RIT2: variants seen among roughly 807,000 people sequenced by gnomAD.
RIT2 encodes GTP-binding protein Rit2.
Under a neutral mutation model 23.7 loss-of-function variants are expected in RIT2, and 24 were observed. That is an observed-to-expected ratio of 1.01 (90% CI 0.73 to 1.43). The LOEUF is 1.43. RIT2 is among the 40% of genes most tolerant of loss of function. The pLI is 0.00. For missense variants in RIT2, 236 were observed against 266.9 expected, an observed-to-expected ratio of 0.88 and a Z score of 0.81; for synonymous variants, 107 against 91.1, an observed-to-expected ratio of 1.17 and a Z score of -0.99.
Position 42,912,443 on chromosome 18 carries a change from A to G in RIT2, c.426+11129T>C, listed in dbSNP as rs140900052. On this transcript the variant is annotated intron_variant, in intron 4 of 4. Transcript: ENST00000326695. Reference sequence around the variant, plus strand: ...GCCACTGCAATAAGGCAAGGAATGGAAATTAAAGATACACAGATGAGAAAG... The same window carrying G: ...GCCACTGCAATAAGGCAAGGAATGGGAATTAAAGATACACAGATGAGAAAG... Among the ~76,000 whole-genome samples, 989 of 152,004 alleles carry G rather than the reference A, an allele frequency of 6.5e-3. 10 individuals carry two copies. Among genetic ancestry groups the G allele is most frequent in the African/African-American group, 0.023 (952 of 41,526 alleles).
At chr18:43,033,758 C>T in intron 2 of RIT2, 53 bp downstream of exon 2, 1 of 1,244,268 alleles carries the variant, frequency 8.0e-7, no homozygotes, top group East Asian at 2.3e-5. Flanking sequence ...TTTCAAGCCA[C>T]TTAGTCACAG....
At chr18:42,910,657 A>AG (rs752097866) in intron 4 of RIT2, among the ~76,000 whole-genome samples, 16 of 152,192 alleles carry the variant, frequency 1.1e-4, no homozygotes, top group Non-Finnish European at 1.6e-4. Context: ...TGTTGAGAGG[A>AG]GTTCAGCTGG....
chr18:42,848,477 A>G (rs148230817), intron 4 of RIT2, among the ~76,000 whole-genome samples: 3 of 152,378 alleles, frequency 2.0e-5, no homozygotes, highest in East Asian at 3.9e-4. Flanking sequence ...GCATGGAACA[A>G]TAATGTAGCT....
At chr18:42,924,805 T>C (rs1909140932) in intron 3 of RIT2, among the ~76,000 whole-genome samples, 1 of 152,096 alleles carries the variant, frequency 6.6e-6, no homozygotes, top group South Asian at 2.1e-4. Context: ...AGAGTAATTG[T>C]TTAAATAAAT....
chr18:42,922,939 C>G (rs1023059024), intron 4 of RIT2, among the ~76,000 whole-genome samples: 1 of 152,080 alleles, frequency 6.6e-6, no homozygotes, highest in African/African-American at 2.4e-5. Flanking sequence ...TTTTGATCAT[C>G]TATTGCTGCA....
chr18:42,768,489 G>A (rs1913476463), intron 4 of RIT2, among the ~76,000 whole-genome samples: 1 of 152,126 alleles, frequency 6.6e-6, no homozygotes, highest in Admixed American at 6.6e-5. Flanking sequence ...TTAGTTACCA[G>A]GGTGAAATTA....
chr18:42,818,749 T>C (rs977484587), intron 4 of RIT2, among the ~76,000 whole-genome samples: 1 of 151,934 alleles, frequency 6.6e-6, no homozygotes, highest in African/African-American at 2.4e-5. Context: ...AATGGGTAAA[T>C]TATGGAGCAT....
At chr18:42,826,958 AAAT>A (rs1906313031) in intron 4 of RIT2, among the ~76,000 whole-genome samples, 1 of 152,178 alleles carries the variant, frequency 6.6e-6, no homozygotes, top group Admixed American at 6.5e-5. Flanking sequence ...ACATAAAAGA[AAAT>A]AAATCCAGGT....
At chr18:42,926,713 T>C (rs987572903) in intron 3 of RIT2, among the ~76,000 whole-genome samples, 1 of 151,986 alleles carries the variant, frequency 6.6e-6, no homozygotes, top group African/African-American at 2.4e-5. Flanking sequence ...TAAAAATAGA[T>C]ATGTCAAGGA....
chr18:42,974,194 C>T, intron 2 of RIT2, 47 bp from the exon 3 acceptor site: 1 of 1,307,572 alleles, frequency 7.6e-7, no homozygotes, highest in Non-Finnish European at 1.1e-6. Context: ...ACAGGAAAGG[C>T]ATTATTAATT....
At chr18:42,858,083 A>G (rs527482019) in intron 4 of RIT2, among the ~76,000 whole-genome samples, 28 of 152,284 alleles carry the variant, frequency 1.8e-4, no homozygotes, top group African/African-American at 4.6e-4. Context: ...CAGGAGACTG[A>G]GGCAGGAGAA....
intron 4 of RIT2, among the ~76,000 whole-genome samples, chr18:42,857,018 C>T (rs901812050): frequency 1.3e-5 from 2 of 151,812 alleles, no homozygotes; most frequent in African/African-American, 2.4e-5. Flanking sequence ...TTAGTAGAGA[C>T]GGGGTTTCAC....
intron 2 of RIT2, among the ~76,000 whole-genome samples, chr18:42,980,229 C>A (rs4541159): frequency 0.022 from 3,402 of 152,132 alleles, 67 homozygotes; most frequent in South Asian, 0.036. Flanking sequence ...GACAGGGTAC[C>A]ACAAGGACCT....
intron 2 of RIT2, among the ~76,000 whole-genome samples, chr18:42,978,115 G>A (rs1347429280): frequency 6.6e-6 from 1 of 151,944 alleles, no homozygotes; most frequent in Admixed American, 6.6e-5. Flanking sequence ...CCCCAAAGAA[G>A]AGCCTGCTGA....
rs1905890684 is a variant in RIT2, at chr18:42,812,862, C to T, written c.427-69142G>A. On this transcript the variant is annotated intron_variant, in intron 4 of 4. Transcript: ENST00000326695. ...CATAAGCTTTAATGTTGTAATCATA[C>T]AGAGTATTTCTCAAAAAGTAAATTT... Among the ~76,000 whole-genome samples the T allele has an allele frequency of 2.6e-5, 4 of 152,270 alleles. No individual in the cohort carries two copies. The South Asian group carries it at 8.3e-4, about 32-fold the overall frequency.
intron 4 of RIT2, among the ~76,000 whole-genome samples, chr18:42,864,138 C>T: frequency 6.6e-6 from 1 of 152,018 alleles, no homozygotes; most frequent in Non-Finnish European, 1.5e-5. Context: ...TAACACTTTC[C>T]TATCAATCAC....
At chr18:43,008,713 G>C (rs1338079402) in intron 2 of RIT2, among the ~76,000 whole-genome samples, 1 of 151,472 alleles carries the variant, frequency 6.6e-6, no homozygotes, top group Admixed American at 6.6e-5. Flanking sequence ...ATCATGAGCT[G>C]TGAGAAACAT....
At chr18:42,868,721 T>C (rs535161835) in intron 4 of RIT2, among the ~76,000 whole-genome samples, 5 of 152,280 alleles carry the variant, frequency 3.3e-5, no homozygotes, top group Non-Finnish European at 4.4e-5. Context: ...ACAGGGAAGG[T>C]TCACCAATGA....
chr18:42,957,644 C>A (rs763659141), intron 3 of RIT2, among the ~76,000 whole-genome samples: 4 of 152,050 alleles, frequency 2.6e-5, no homozygotes, highest in Non-Finnish European at 4.4e-5. Flanking sequence ...ATTAGCCAGG[C>A]ATGGTGGCAT....
Sources: gnomAD v4.1 joint callset for allele counts (sites outside exome capture counted in the v4.1 genomes callset) on GRCh38, gnomAD v4.1.1 for gene constraint, MANE v1.5 for transcripts, NCBI Gene and HGNC (gene_info 2026-07-23, HGNC 2026-07-21) for gene names.